Variants in ADGRE1 observed in about 807,000 individuals in gnomAD.
ADGRE1 encodes the protein EGF-like module receptor 1.
In ADGRE1, 82 loss-of-function variants were observed where a neutral mutation model predicts 102.7. The observed-to-expected ratio is 0.80, with a 90% CI of 0.67 to 0.96. The LOEUF (loss-of-function observed/expected upper bound fraction) is 0.96. Among genes scored for constraint, ADGRE1 ranks in the 40% least tolerant of loss-of-function variants. The pLI is 0.00. For synonymous variants in ADGRE1, 398 were observed against 399.6 expected, an observed-to-expected ratio of 1.00 and a Z score of 0.05; for missense variants, 1,032 against 1,085.3, an observed-to-expected ratio of 0.95 and a Z score of 0.69.
intron 15 of ADGRE1, 33 bp downstream of exon 15, chr19:6,924,905 C>G: frequency 6.2e-7 from 1 of 1,606,168 alleles, no homozygotes; most frequent in Non-Finnish European, 8.5e-7. Flanking sequence ...CCCCACCAAG[C>G]CCCATCTTCT....
chr19:6,913,184 T>A (rs1974260763), intron 10 of ADGRE1, among the ~76,000 whole-genome samples: 1 of 152,098 alleles, frequency 6.6e-6, no homozygotes, highest in Non-Finnish European at 1.5e-5. Flanking sequence ...GTATTTCTTT[T>A]TTTTTCTTTT....
At chr19:6,939,468 C>T (rs1030683510) in intron 20 of ADGRE1, among the ~76,000 whole-genome samples, 2 of 152,132 alleles carry the variant, frequency 1.3e-5, no homozygotes, top group African/African-American at 2.4e-5. Context: ...GCTGGTGTTG[C>T]TGGTTCTATG....
chr19:6,894,325 G>A (rs1343687277), intron 2 of ADGRE1, among the ~76,000 whole-genome samples: 1 of 152,176 alleles, frequency 6.6e-6, no homozygotes, highest in Non-Finnish European at 1.5e-5. Flanking sequence ...GAAGCTCACA[G>A]TGTGGTGGTG....
rs772959056 is a variant in ADGRE1 at position 6,911,385 on chromosome 19, G to GTTTTTTTTTT, written c.1123-2257_1123-2248dup. Among the ~76,000 whole-genome samples the GTTTTTTTTTT allele has an allele frequency of 4.4e-4, 35 of 79,850 alleles. 5 individuals are homozygous for GTTTTTTTTTT. The highest frequency in any genetic ancestry group is 8.0e-4 in the East Asian group (2 of 2,496). The allele number at this position is 79,850 out of a possible 152,430, so 52.4% of individuals were successfully genotyped here. ...TTTATTAGGTTCTGGATTCCTTTTA[G>GTTTTTTTTTT]TTTTTTTTTTTTTTTTTTTTGCTTG... On this transcript the variant is annotated intron_variant, in intron 10 of 20. Coordinates refer to ENST00000312053, the MANE Select transcript of ADGRE1 (RefSeq NM_001974.5).
At chr19:6,917,164 A>AT (rs1974421340) in intron 12 of ADGRE1, among the ~76,000 whole-genome samples, 2 of 152,238 alleles carry the variant, frequency 1.3e-5, no homozygotes, top group Non-Finnish European at 2.9e-5. Flanking sequence ...TATTTAAAAA[A>AT]GTAGGTGACA....
intron 20 of ADGRE1, 43 bp from the exon 21 acceptor site, chr19:6,939,977 TATTA>T: frequency 6.2e-7 from 1 of 1,610,140 alleles, no homozygotes; most frequent in African/African-American, 1.3e-5. Flanking sequence ...ATCACGTTTG[TATTA>T]ATTCTGCTGC....
In ADGRE1 at chr19:6,903,886, C is replaced by A. The variant is rs768279889; in HGVS notation, c.738C>A (p.Cys246Ter). The change falls in exon 7 of 21, where the codon TGC (cysteine) becomes TGA (stop). Residue 246 changes from cysteine (C) to a stop codon, truncating the protein, a stop_gained. Coordinates refer to ENST00000312053, the MANE Select transcript of ADGRE1 (RefSeq NM_001974.5). LOFTEE classifies it high-confidence loss of function. ...TNTPGSYFCT[C>*]HPGFAPSNGQ... ...CTCCTGGGAGCTACTTTTGCACCTG[C>A]CACCCTGGCTTTGCACCAAGCAATG... is the stretch of plus-strand genomic sequence containing the variant. The A allele has an allele frequency of 5.0e-6, 8 of 1,614,076 alleles. No homozygotes were observed. Among genetic ancestry groups the A allele is most frequent in the Non-Finnish European group, 6.8e-6 (8 of 1,180,048 alleles).
chr19:6,938,481 GT>G (rs1439869262), intron 20 of ADGRE1, among the ~76,000 whole-genome samples: 7 of 151,778 alleles, frequency 4.6e-5, no homozygotes, highest in African/African-American at 1.7e-4. Flanking sequence ...GGCAAAGCTG[GT>G]TTTCCCACTA....
rs1974921463 is a variant in ADGRE1 at position 6,926,567 on chromosome 19, A to G, written c.2188A>G (p.Ser730Gly). The G allele has an allele frequency of 1.9e-6, 3 of 1,614,210 alleles. No homozygotes were observed. The change falls in exon 16 of 21, where the codon AGT (serine) becomes GGT (glycine). Residue 730 changes from serine (S) to glycine (G), a missense_variant. Ser to Gly is a moderately conservative substitution (Grantham distance 56). Transcript: ENST00000312053. ...LPMLVVVISA[S>G]VQPQGYGMHN... ...GATGCTGGTGGTGGTGATCTCTGCCAGTGTGCAGCCACAGGGCTATGGAAT... is the reference window on the plus strand; with the variant it reads ...GATGCTGGTGGTGGTGATCTCTGCCGGTGTGCAGCCACAGGGCTATGGAAT...
At chr19:6,918,377 G>T (rs1371901709) in intron 12 of ADGRE1, among the ~76,000 whole-genome samples, 1 of 152,012 alleles carries the variant, frequency 6.6e-6, no homozygotes, top group South Asian at 2.1e-4. Context: ...GAAGGCAGAC[G>T]TTGCAGTGAG....
chr19:6,919,440 C>CTGTGTG, intron 12 of ADGRE1, 108 bp from the exon 13 acceptor site: 3 of 524,922 alleles, frequency 5.7e-6, no homozygotes, highest in African/African-American at 7.5e-5. Context: ...CCCTCCCTCC[C>CTGTGTG]TCTGTGTGTG....
At chr19:6,926,748 C>T in intron 16 of ADGRE1, 147 bp downstream of exon 16, 2 of 761,570 alleles carry the variant, frequency 2.6e-6, no homozygotes, top group Non-Finnish European at 4.3e-6. Context: ...GGTTTCAGGA[C>T]CACCATGTAC....
In ADGRE1 at chr19:6,935,095, C is replaced by T; in HGVS notation, c.2381+17C>T. 2.0e-6 allele frequency: 3 copies of T among 1,479,752 alleles called. No individual in the cohort carries two copies. Among genetic ancestry groups the T allele is most frequent in the South Asian group, 2.4e-5 (2 of 81,952 alleles). 91.7% of individuals were successfully genotyped at this position (1,479,752 alleles called of 1,614,324 possible). A position where few individuals can be genotyped will look rare whatever the true frequency, so the allele number is the denominator to read the frequency against. On this transcript the variant is annotated intron_variant, in intron 18 of 20. Transcript: ENST00000312053. ...AGACACCAGGTAAAGCCCTCTTTCA[C>T]CTCCCCCCCTCTTTTAATTTCCTCT...
At chr19:6,926,101 T>C (rs1974894082) in intron 15 of ADGRE1, among the ~76,000 whole-genome samples, 1 of 152,170 alleles carries the variant, frequency 6.6e-6, no homozygotes, top group African/African-American at 2.4e-5. Flanking sequence ...GACAATCAGT[T>C]TTCCTAAAAC....
intron 18 of ADGRE1, among the ~76,000 whole-genome samples, chr19:6,936,300 G>A (rs1975398508): frequency 6.6e-6 from 1 of 151,836 alleles, no homozygotes; most frequent in Admixed American, 6.6e-5. Flanking sequence ...GCCGGGCATG[G>A]TGGTGGGCAC....
chr19:6,892,629 G>A (rs1015537377), intron 2 of ADGRE1, among the ~76,000 whole-genome samples: 4 of 152,042 alleles, frequency 2.6e-5, no homozygotes, highest in Non-Finnish European at 4.4e-5. Flanking sequence ...TACTCTGCTC[G>A]AAATCCTCCC....
intron 17 of ADGRE1, among the ~76,000 whole-genome samples, chr19:6,930,894 C>G (rs1226078064): frequency 1.3e-5 from 2 of 152,182 alleles, no homozygotes; most frequent in Non-Finnish European, 2.9e-5. Flanking sequence ...CCGCCTCGAC[C>G]TCCCAAAGTG....
chr19:6,890,664 C>T (rs1973335639), intron 2 of ADGRE1, 121 bp downstream of exon 2: 1 of 961,450 alleles, frequency 1.0e-6, no homozygotes, highest in Non-Finnish European at 1.6e-6. Flanking sequence ...AGCGGCAGAG[C>T]AAGGGTTAAC....
chr19:6,933,677 G>A (rs777874513), intron 17 of ADGRE1, among the ~76,000 whole-genome samples: 32 of 152,196 alleles, frequency 2.1e-4, no homozygotes, highest in African/African-American at 6.0e-4. Flanking sequence ...ATGAGCCACC[G>A]CTCCCGACCA....
Sources: allele counts gnomAD v4.1 joint callset (sites outside exome capture counted in the v4.1 genomes callset), GRCh38; gene constraint gnomAD v4.1.1; transcripts MANE v1.5; gene names NCBI Gene and HGNC (gene_info 2026-07-23, HGNC 2026-07-21).